Variants in CUX1 observed in about 807,000 individuals in gnomAD.
CUX1 encodes the protein protein CASP.
In CUX1, 31 loss-of-function variants were observed where a neutral mutation model predicts 158.8. The ratio of observed to expected loss-of-function variants is 0.20; its 90% CI spans 0.15 to 0.26. CUX1 has a LOEUF of 0.26. Ranked by LOEUF, CUX1 falls within the 10% of genes least tolerant of loss-of-function variation. The pLI is 1.00. For synonymous variants in CUX1, 879 were observed against 862.1 expected (o/e 1.02, Z -0.34); for missense variants, 1,589 against 2,014.6 (o/e 0.79, Z 4.04).
At chr7:101,894,973 G>A (rs1386751915) in intron 1 of CUX1, among the ~76,000 whole-genome samples, 2 of 152,054 alleles carry the variant, frequency 1.3e-5, no homozygotes. Context: ...CCAAGTCTGA[G>A]TACTGGTCGG....
intron 1 of CUX1, among the ~76,000 whole-genome samples, chr7:101,901,418 C>T (rs1193686826): frequency 2.6e-5 from 4 of 152,014 alleles, no homozygotes; most frequent in Admixed American, 1.3e-4. Flanking sequence ...CTCAGCCTCC[C>T]GAGTAACTGG....
intron 1 of CUX1, among the ~76,000 whole-genome samples, chr7:101,831,943 C>T (rs1221057557): frequency 6.6e-6 from 1 of 151,738 alleles, no homozygotes; most frequent in Non-Finnish European, 1.5e-5. Context: ...GGGGGGGTCT[C>T]ACTGTGTTGC....
chr7:102,173,826 T>C (rs920975103), intron 10 of CUX1, among the ~76,000 whole-genome samples: 5 of 152,072 alleles, frequency 3.3e-5, no homozygotes, highest in Non-Finnish European at 7.4e-5. Context: ...CGGTTCAGTC[T>C]CCCCAGAGCA....
At chr7:102,199,532 G>A (rs73712437) in intron 16 of CUX1, among the ~76,000 whole-genome samples, 2,871 of 152,264 alleles carry the variant, frequency 0.019, 88 homozygotes, top group African/African-American at 0.065. Context: ...TCCTTTCCTC[G>A]TATGTAAATT....
intron 2 of CUX1, among the ~76,000 whole-genome samples, chr7:101,946,116 G>A (rs1439475582): frequency 1.3e-5 from 2 of 152,198 alleles, no homozygotes; most frequent in Admixed American, 6.5e-5. Context: ...TCTCTAGTGT[G>A]ATGTGTGGAC....
At chr7:102,205,734 G>A (rs1795880552) in intron 20 of CUX1, among the ~76,000 whole-genome samples, 1 of 152,178 alleles carries the variant, frequency 6.6e-6, no homozygotes, top group Non-Finnish European at 1.5e-5. Context: ...GGAGAGTGGT[G>A]GCTGCAGGCT....
At chr7:102,025,602 T>G (rs933177603) in intron 2 of CUX1, among the ~76,000 whole-genome samples, 2 of 151,764 alleles carry the variant, frequency 1.3e-5, no homozygotes, top group Non-Finnish European at 2.9e-5. Context: ...TACTCCAGCC[T>G]GGGTGACAGA....
At chr7:102,049,706 C>T (rs1335504004) in intron 3 of CUX1, among the ~76,000 whole-genome samples, 1 of 151,840 alleles carries the variant, frequency 6.6e-6, no homozygotes, top group African/African-American at 2.4e-5. Context: ...AAAAGAAAAA[C>T]GGAAACCCAT....
At chr7:102,104,073 T>G (rs73187808) in intron 5 of CUX1, among the ~76,000 whole-genome samples, 1 of 152,190 alleles carries the variant, frequency 6.6e-6, no homozygotes, top group South Asian at 2.1e-4. Context: ...CCCTTTTTTT[T>G]CTTTAACTGG....
intron 1 of CUX1, among the ~76,000 whole-genome samples, chr7:101,831,240 A>G (rs554454206): frequency 6.6e-6 from 1 of 151,730 alleles, no homozygotes; most frequent in East Asian, 1.9e-4. Flanking sequence ...GCATTCTAGC[A>G]TAGGGATTGA....
chr7:102,266,853 T>C (rs533080117), intron 14 of CUX1, among the ~76,000 whole-genome samples: 1 of 152,032 alleles, frequency 6.6e-6, no homozygotes, highest in South Asian at 2.1e-4. Context: ...GCTTGAGGAA[T>C]TGGAGGAGCG....
intron 21 of CUX1, among the ~76,000 whole-genome samples, chr7:102,229,414 C>A (rs782044504): frequency 1.3e-5 from 2 of 151,138 alleles, no homozygotes; most frequent in Non-Finnish European, 2.9e-5. Flanking sequence ...CGGGTTCACG[C>A]GATTCTCCTG....
At chr7:101,881,755 T>C (rs1799731299) in intron 1 of CUX1, among the ~76,000 whole-genome samples, 1 of 152,222 alleles carries the variant, frequency 6.6e-6, no homozygotes, top group South Asian at 2.1e-4. Flanking sequence ...CTGATGACTT[T>C]CTGTCACTTG....
intron 2 of CUX1, among the ~76,000 whole-genome samples, chr7:102,023,672 GAAT>G (rs1284982794): frequency 1.3e-5 from 2 of 152,198 alleles, no homozygotes; most frequent in Admixed American, 6.6e-5. Context: ...GTACAAAACT[GAAT>G]AATATTTGCA....
intron 1 of CUX1, among the ~76,000 whole-genome samples, chr7:101,848,676 C>T (rs1285554809): frequency 6.6e-6 from 1 of 151,914 alleles, no homozygotes; most frequent in Non-Finnish European, 1.5e-5. Context: ...CCATAAGGAT[C>T]AGAAAAATTT....
At chr7:102,027,237 T>C (rs150501730) in intron 2 of CUX1, among the ~76,000 whole-genome samples, 414 of 151,910 alleles carry the variant, frequency 2.7e-3, no homozygotes, top group Non-Finnish European at 5.0e-3. Flanking sequence ...ATACAAACAT[T>C]AGCCGGGCGC....
chr7:101,968,446 G>A (rs1348363869), intron 2 of CUX1, among the ~76,000 whole-genome samples: 1 of 152,002 alleles, frequency 6.6e-6, no homozygotes, highest in African/African-American at 2.4e-5. Flanking sequence ...TTTTTGAGAC[G>A]TGGTCTCGCC....
chr7:101,870,164 T>G (rs967777285), intron 1 of CUX1, among the ~76,000 whole-genome samples: 20 of 149,416 alleles, frequency 1.3e-4, no homozygotes, highest in Non-Finnish European at 2.1e-4. Flanking sequence ...TTTTTTTTTT[T>G]TTTTTTAAAG....
In CUX1 at chr7:101,928,609, C is replaced by T. The variant is rs1279295578; in HGVS notation, c.141+12384C>T. 2.0e-5 allele frequency among the ~76,000 whole-genome samples: 3 copies of T among 151,160 alleles called. No individual in the cohort carries two copies. In the East Asian group the frequency reaches 5.9e-4, roughly 30 times the overall value. ...TCAAATTCCTGACCTTGTGATCTGC[C>T]CGCCTCGGCCTCCCAAAGTGCTGGG... On this transcript the variant is annotated intron_variant, in intron 2 of 23. Coordinates refer to ENST00000292535, the MANE Select transcript of CUX1 (RefSeq NM_181552.4).
Sources: allele counts gnomAD v4.1 joint callset (sites outside exome capture counted in the v4.1 genomes callset), GRCh38; gene constraint gnomAD v4.1.1; transcripts MANE v1.5; gene names NCBI Gene and HGNC (gene_info 2026-07-23, HGNC 2026-07-21).